The following SDK1 variants were observed in gnomAD, a reference collection of about 807,000 sequenced individuals.
SDK1 encodes the protein sidekick cell adhesion molecule 1, also known as protein sidekick-1.
SDK1 carries 157 observed loss-of-function variants against 245.5 expected under a neutral mutation model. The observed-to-expected ratio is 0.64, with a 90% CI of 0.56 to 0.73. SDK1 has a LOEUF of 0.73. SDK1 is among the 30% of genes least tolerant of loss of function. The pLI is 0.00. For missense variants in SDK1, 3,583 were observed against 3,002.3 expected (o/e 1.19, Z -4.52); for synonymous variants, 1,647 against 1,278.5 (o/e 1.29, Z -6.15).
chr7:3,344,249 T>G (rs1780434009), intron 1 of SDK1, among the ~76,000 whole-genome samples: 1 of 152,150 alleles, frequency 6.6e-6, no homozygotes, highest in African/African-American at 2.4e-5. Context: ...TTAAAAATGG[T>G]GGTAAAATAT....
intron 5 of SDK1, among the ~76,000 whole-genome samples, chr7:3,876,395 G>GA (rs1341475994): frequency 6.6e-6 from 1 of 152,172 alleles, no homozygotes; most frequent in Non-Finnish European, 1.5e-5. Flanking sequence ...ATGGGATGTG[G>GA]AAAGAATCAT....
chr7:4,031,563 A>C (rs1374529270), intron 17 of SDK1, among the ~76,000 whole-genome samples: 2 of 151,908 alleles, frequency 1.3e-5, no homozygotes, highest in Admixed American at 6.6e-5. Context: ...AACAGACCAA[A>C]TAAAGACACA....
chr7:4,092,481 G>A (rs1281664117), intron 22 of SDK1, among the ~76,000 whole-genome samples: 1 of 152,182 alleles, frequency 6.6e-6, no homozygotes, highest in Non-Finnish European at 1.5e-5. Context: ...TATAGATGAG[G>A]CCTCTGGGGC....
chr7:3,789,074 C>T (rs895528208), intron 4 of SDK1, among the ~76,000 whole-genome samples: 1 of 152,152 alleles, frequency 6.6e-6, no homozygotes, highest in Non-Finnish European at 1.5e-5. Context: ...TACTGTTTGT[C>T]AAGGATACAG....
At chr7:3,427,794 C>T (rs1006657739) in intron 1 of SDK1, among the ~76,000 whole-genome samples, 7 of 151,976 alleles carry the variant, frequency 4.6e-5, no homozygotes, top group African/African-American at 1.7e-4. Context: ...TTATGTGAAG[C>T]TGCCTTCACC....
chr7:4,118,171 T>A (rs1783835074), intron 25 of SDK1, among the ~76,000 whole-genome samples: 1 of 152,112 alleles, frequency 6.6e-6, no homozygotes, highest in African/African-American at 2.4e-5. Flanking sequence ...AAGAAAATAT[T>A]TGCAAATTAT....
chr7:4,108,409 G>A (rs1783094820), intron 22 of SDK1, among the ~76,000 whole-genome samples: 1 of 150,760 alleles, frequency 6.6e-6, no homozygotes. Flanking sequence ...CCCCAGTGCT[G>A]AGAACTGGCT....
At chr7:3,724,865 A>T (rs1246096462) in intron 4 of SDK1, among the ~76,000 whole-genome samples, 2 of 152,190 alleles carry the variant, frequency 1.3e-5, no homozygotes, top group East Asian at 3.9e-4. Context: ...CACCGAAGAG[A>T]ACTTGTCACA....
At chr7:3,904,552 A>G (rs1583539383) in intron 5 of SDK1, among the ~76,000 whole-genome samples, 1 of 152,244 alleles carries the variant, frequency 6.6e-6, no homozygotes, top group East Asian at 1.9e-4. Flanking sequence ...AAAAATTAGC[A>G]GACATGGTGG....
intron 2 of SDK1, among the ~76,000 whole-genome samples, chr7:3,627,727 A>G (rs568064755): frequency 2.0e-5 from 3 of 152,282 alleles, no homozygotes; most frequent in African/African-American, 7.2e-5. Context: ...TTGATGTCCC[A>G]TTTTATTAGT....
intron 5 of SDK1, among the ~76,000 whole-genome samples, chr7:3,856,552 A>G (rs998978457): frequency 6.7e-5 from 10 of 149,632 alleles, no homozygotes; most frequent in Non-Finnish European, 1.2e-4. Flanking sequence ...GTACTTTGGG[A>G]GGCCGAGGCA....
chr7:3,983,163 C>T (rs776697743), intron 13 of SDK1, among the ~76,000 whole-genome samples: 3 of 152,162 alleles, frequency 2.0e-5, no homozygotes, highest in South Asian at 2.1e-4. Context: ...GAAATGGCAA[C>T]AAGGCCTTAG....
At chr7:3,316,946 G>A (rs1583673176) in intron 1 of SDK1, among the ~76,000 whole-genome samples, 1 of 152,032 alleles carries the variant, frequency 6.6e-6, no homozygotes, top group Admixed American at 6.6e-5. Context: ...TTGGGAGGCT[G>A]AGGTGGGCAG....
At chr7:4,017,566 T>G (rs1786513969) in intron 17 of SDK1, among the ~76,000 whole-genome samples, 1 of 152,164 alleles carries the variant, frequency 6.6e-6, no homozygotes. Context: ...TTCCAACTGC[T>G]TTTTCAGTGA....
chr7:3,585,511 A>G (rs951865321), intron 1 of SDK1, among the ~76,000 whole-genome samples: 1 of 152,196 alleles, frequency 6.6e-6, no homozygotes, highest in Non-Finnish European at 1.5e-5. Flanking sequence ...TAAAGGACTG[A>G]TGGTAGCTGG....
intron 1 of SDK1, among the ~76,000 whole-genome samples, chr7:3,371,808 G>A (rs1011902186): frequency 6.6e-6 from 1 of 152,202 alleles, no homozygotes; most frequent in African/African-American, 2.4e-5. Context: ...CAATTAAATT[G>A]ACTGCACTGC....
intron 1 of SDK1, among the ~76,000 whole-genome samples, chr7:3,506,439 TC>T (rs1782395357): frequency 2.0e-5 from 3 of 152,298 alleles, no homozygotes; most frequent in Admixed American, 2.0e-4. Context: ...GTTATTATTC[TC>T]TTTTGGGTTT....
chr7:3,958,806 G>T, intron 7 of SDK1, 125 bp from the exon 8 acceptor site: 1 of 769,488 alleles, frequency 1.3e-6, no homozygotes, highest in Non-Finnish European at 2.2e-6. Flanking sequence ...TTGTATGCAC[G>T]ATGCTAACTA....
intron 5 of SDK1, among the ~76,000 whole-genome samples, chr7:3,823,000 T>C (rs1779683770): frequency 6.6e-6 from 1 of 151,944 alleles, no homozygotes; most frequent in Non-Finnish European, 1.5e-5. Flanking sequence ...AGCTCCTTAA[T>C]TTGAGGAATT....
Sources: allele counts gnomAD v4.1 joint callset (sites outside exome capture counted in the v4.1 genomes callset), GRCh38; gene constraint gnomAD v4.1.1; transcripts MANE v1.5; gene names NCBI Gene and HGNC (gene_info 2026-07-23, HGNC 2026-07-21).